CAMTA1: variants seen among roughly 807,000 people sequenced by gnomAD.
CAMTA1 encodes calmodulin-binding transcription activator 1.
In CAMTA1, 27 loss-of-function variants were observed where a neutral mutation model predicts 170.9. The ratio of observed to expected loss-of-function variants is 0.16; its 90% confidence interval spans 0.12 to 0.22. The LOEUF (loss-of-function observed/expected upper bound fraction) is 0.22, where lower values mean the gene tolerates loss of function less well. Ranked by LOEUF, CAMTA1 falls within the 10% of genes least tolerant of loss-of-function variation. The pLI is 1.00. For missense variants in CAMTA1, 1,619 were observed against 2,217.2 expected (o/e 0.73, Z 5.42); for synonymous variants, 833 against 891.5 (o/e 0.93, Z 1.17).
intron 16 of CAMTA1, among the ~76,000 whole-genome samples, chr1:7,741,510 C>T (rs911545519): frequency 1.3e-5 from 2 of 150,692 alleles, no homozygotes; most frequent in East Asian, 2.0e-4. Flanking sequence ...TGCAGCTAGC[C>T]GACATCGCAC....
At chr1:7,205,939 G>C (rs938781893) in intron 4 of CAMTA1, among the ~76,000 whole-genome samples, 9 of 152,166 alleles carry the variant, frequency 5.9e-5, no homozygotes, top group Admixed American at 2.0e-4. Context: ...TTATTCAGTT[G>C]TTCCAGCAGC....
chr1:7,284,833 ATGGGGCCACTTCTCCCTGG>A (rs1442727820), intron 5 of CAMTA1, among the ~76,000 whole-genome samples: 14 of 152,262 alleles, frequency 9.2e-5, no homozygotes, highest in Non-Finnish European at 1.6e-4. Flanking sequence ...GACCTCACTG[ATGGGGCCACTTCTCCCTGG>A]TGGGGCCACT....
At chr1:7,382,532 G>A (rs376143325) in intron 5 of CAMTA1, 1 of 152,208 alleles carries the variant, frequency 6.6e-6, no homozygotes, top group African/African-American at 2.4e-5. Flanking sequence ...TAGCTATGGG[G>A]AATTGGCAAG....
intron 22 of CAMTA1, among the ~76,000 whole-genome samples, chr1:7,759,214 A>C (rs942965785): frequency 4.6e-5 from 7 of 152,326 alleles, no homozygotes; most frequent in Admixed American, 1.3e-4. Context: ...TTTATGGGAC[A>C]GTATTTGTTA....
chr1:7,264,140 G>A (rs1477615864), intron 5 of CAMTA1, among the ~76,000 whole-genome samples: 1 of 152,192 alleles, frequency 6.6e-6, no homozygotes, highest in Non-Finnish European at 1.5e-5. Flanking sequence ...CTTCTGCAAA[G>A]GATGCAGAAA....
intron 4 of CAMTA1, among the ~76,000 whole-genome samples, chr1:7,200,718 C>T (rs915991707): frequency 2.0e-5 from 3 of 152,088 alleles, no homozygotes; most frequent in Admixed American, 1.3e-4. Flanking sequence ...AGGAGATTTG[C>T]GCATTGCTGG....
Position 7,633,175 on chromosome 1 carries a change from G to A in CAMTA1, c.511-7225G>A, listed in dbSNP as rs183472545. On this transcript the variant is annotated intron_variant, in intron 6 of 22. Coordinates refer to ENST00000303635, the MANE Select transcript of CAMTA1 (RefSeq NM_015215.4). This position sits in a 1 kb window ranked among gnomAD's most constrained non-coding sequence, Gnocchi z 4.1. The stretch of plus-strand genomic sequence containing the variant: ...TTTGTCCCTGCAGTTTGGGTGAAAG[G>A]TGCCATCTAGAAAAGGTTCTCAAAG... Among the ~76,000 whole-genome samples, 469 of 152,320 alleles carry A rather than the reference G, an allele frequency of 3.1e-3. 10 individuals are homozygous for A. Among genetic ancestry groups the A allele is most frequent in the Admixed American group, 0.028 (433 of 15,298 alleles).
At chr1:6,847,505 C>T (rs1438926887) in intron 3 of CAMTA1, among the ~76,000 whole-genome samples, 2 of 151,194 alleles carry the variant, frequency 1.3e-5, no homozygotes, top group Non-Finnish European at 2.9e-5. Context: ...GCAGCTAGAT[C>T]ATAGAAGGCT....
At chr1:7,154,305 G>A (rs1349988782) in intron 4 of CAMTA1, among the ~76,000 whole-genome samples, 1 of 152,126 alleles carries the variant, frequency 6.6e-6, no homozygotes, top group East Asian at 1.9e-4. Context: ...TTTGATAGCA[G>A]GAAAAGGTGC....
intron 6 of CAMTA1, among the ~76,000 whole-genome samples, chr1:7,498,341 TGA>T (rs1175407011): frequency 4.0e-5 from 6 of 148,226 alleles, no homozygotes; most frequent in Admixed American, 6.7e-5. Flanking sequence ...TGGATGTGTA[TGA>T]GTGTGTGTAG....
intron 4 of CAMTA1, among the ~76,000 whole-genome samples, chr1:7,138,063 G>A (rs1243155197): frequency 6.6e-6 from 1 of 152,194 alleles, no homozygotes; most frequent in Non-Finnish European, 1.5e-5. Context: ...ATGGCTCACT[G>A]CAGCCTTGAC....
intron 5 of CAMTA1, among the ~76,000 whole-genome samples, chr1:7,326,791 C>T (rs1253176480): frequency 1.3e-5 from 2 of 152,160 alleles, no homozygotes; most frequent in African/African-American, 4.8e-5. Context: ...GTTTGTGGCA[C>T]TTTGTTATGG....
intron 4 of CAMTA1, among the ~76,000 whole-genome samples, chr1:7,193,643 C>T (rs766520888): frequency 1.1e-4 from 16 of 152,234 alleles, no homozygotes; most frequent in Non-Finnish European, 1.9e-4. Context: ...ATGTGCCCAC[C>T]TGCAGAAGGG....
intron 1 of CAMTA1, among the ~76,000 whole-genome samples, chr1:6,796,024 A>G (rs1642395739): frequency 6.6e-6 from 1 of 151,242 alleles, no homozygotes; most frequent in Admixed American, 6.6e-5. Context: ...TAATTATCTC[A>G]TGATTTTGTG....
chr1:6,824,960 G>T (rs1267808774), intron 2 of CAMTA1, 132 bp from the exon 3 acceptor site: 1 of 533,202 alleles, frequency 1.9e-6, no homozygotes, highest in East Asian at 3.1e-5. Context: ...TTAACTAAGA[G>T]GAATAGTGGG....
rs192564872 is a variant in CAMTA1, at chr1:7,151,052, C to G, written c.302+59681C>G. On this transcript the variant is annotated intron_variant, in intron 4 of 22. Transcript: ENST00000303635. ...GATTTGAAATCTGTTGGGGGGAGCA[C>G]CCGTTGAAACCATTGGGCCAAGAAT... 5.3e-5 allele frequency among the ~76,000 whole-genome samples: 8 copies of G among 152,310 alleles called. No individual in the cohort carries two copies. In the East Asian group the frequency reaches 1.2e-3, roughly 22 times the overall value.
intron 4 of CAMTA1, among the ~76,000 whole-genome samples, chr1:7,207,535 C>T (rs955694946): frequency 6.6e-6 from 1 of 152,116 alleles, no homozygotes; most frequent in African/African-American, 2.4e-5. Flanking sequence ...ACACAATCAC[C>T]CACAACTGAA....
At chr1:7,645,817 A>G (rs2095799225) in intron 7 of CAMTA1, among the ~76,000 whole-genome samples, 1 of 152,248 alleles carries the variant, frequency 6.6e-6, no homozygotes, top group South Asian at 2.1e-4. Flanking sequence ...CACACCACAC[A>G]AGTGCTCTGT....
chr1:7,364,609 C>T (rs1261096542), intron 5 of CAMTA1, among the ~76,000 whole-genome samples: 4 of 152,048 alleles, frequency 2.6e-5, no homozygotes, highest in Non-Finnish European at 4.4e-5. Flanking sequence ...AGAAGGCAGG[C>T]GTGAAGGAGG....
Sources: gnomAD v4.1 joint callset for allele counts (sites outside exome capture counted in the v4.1 genomes callset) on GRCh38, gnomAD v4.1.1 for gene constraint, Gnocchi (gnomAD v3.1) non-coding constraint, MANE v1.5 for transcripts, NCBI Gene and HGNC (gene_info 2026-07-23, HGNC 2026-07-21) for gene names.